DNAJC8: variants seen among roughly 807,000 people sequenced by gnomAD.
The protein encoded by DNAJC8 is dnaJ homolog subfamily C member 8.
A neutral mutation model predicts 43.2 loss-of-function variants in DNAJC8; 24 were observed. The observed-to-expected ratio is 0.56, with a 90% CI of 0.40 to 0.78. The LOEUF (loss-of-function observed/expected upper bound fraction) is 0.78. Among genes scored for constraint, DNAJC8 ranks in the 30% least tolerant of loss-of-function variants. The pLI, the probability that DNAJC8 is intolerant of heterozygous loss-of-function variation, is 0.00. For synonymous variants in DNAJC8, 83 were observed against 98.0 expected, an observed-to-expected ratio of 0.85 and a Z score of 0.90; for missense variants, 207 against 299.4, an observed-to-expected ratio of 0.69 and a Z score of 2.28.
chr1:28,214,842 T>C (rs750263748), intron 3 of DNAJC8, 98 bp downstream of exon 3: 2 of 1,045,114 alleles, frequency 1.9e-6, no homozygotes, highest in Non-Finnish European at 2.7e-6. Context: ...AAAAGTTAAA[T>C]TTTGGCCCAA....
chr1:28,221,336 T>C (rs1455130033), intron 2 of DNAJC8, among the ~76,000 whole-genome samples: 1 of 151,696 alleles, frequency 6.6e-6, no homozygotes, highest in Admixed American at 6.6e-5. Context: ...GGAAACTCTG[T>C]CTCAAAAAGG....
At chr1:28,204,608 A>C (rs1234592551) in intron 7 of DNAJC8, among the ~76,000 whole-genome samples, 1 of 152,216 alleles carries the variant, frequency 6.6e-6, no homozygotes, top group Admixed American at 6.5e-5. Flanking sequence ...ACAGTACTAT[A>C]CACTCACCAA....
chr1:28,214,058 G>C (rs1040355863), intron 3 of DNAJC8, among the ~76,000 whole-genome samples: 1 of 151,766 alleles, frequency 6.6e-6, no homozygotes, highest in Non-Finnish European at 1.5e-5. Context: ...CTGGGGGGAG[G>C]GTTACTCAGC....
rs577911473 is a variant in DNAJC8 at position 28,203,265 on chromosome 1, T to A, written c.639+482A>T. 3.7e-4 allele frequency among the ~76,000 whole-genome samples: 57 copies of A among 152,310 alleles called. No homozygotes were observed. The South Asian group carries it at 0.012, about 31-fold the overall frequency. On this transcript the variant is annotated intron_variant, in intron 8 of 8. Coordinates refer to ENST00000263697, the MANE Select transcript of DNAJC8 (RefSeq NM_014280.3). ...GCCACAATCCTTCTGTCCAACCACC[T>A]GAAGCATATAACCAGGGTGTCAAAG...
rs779067310 is a variant in DNAJC8 at position 28,200,930 on chromosome 1, T to C, written c.*318A>G. 1 of 391,576 alleles carries C rather than the reference T, an allele frequency of 2.6e-6. No individual in the cohort carries two copies. The highest frequency in any genetic ancestry group is 6.1e-5 in the East Asian group (1 of 16,374). The allele number at this position is 391,576 out of a possible 1,614,324, so 24.3% of individuals were successfully genotyped here. A position where few individuals can be genotyped will look rare whatever the true frequency, so the allele number is the denominator to read the frequency against. ...TGATTTCCACAAACTATCCACGAAG[T>C]TTCTAACCATCACAATTCAGTGAAG... On this transcript the variant is annotated 3_prime_UTR_variant, in exon 9 of 9. Coordinates refer to ENST00000263697, the MANE Select transcript of DNAJC8 (RefSeq NM_014280.3).
intron 1 of DNAJC8, among the ~76,000 whole-genome samples, chr1:28,230,728 C>A (rs896962933): frequency 6.6e-6 from 1 of 152,228 alleles, no homozygotes; most frequent in Non-Finnish European, 1.5e-5. Context: ...GCAACCTCCA[C>A]CTCCTGGGCT....
At chr1:28,217,765 G>A (rs1377509441) in intron 2 of DNAJC8, among the ~76,000 whole-genome samples, 2 of 152,012 alleles carry the variant, frequency 1.3e-5, no homozygotes, top group Admixed American at 6.6e-5. Context: ...AGCCTCTGAT[G>A]AGGTTATAGC....
At chr1:28,228,089 G>A (rs1322918459) in intron 2 of DNAJC8, among the ~76,000 whole-genome samples, 1 of 152,084 alleles carries the variant, frequency 6.6e-6, no homozygotes, top group African/African-American at 2.4e-5. Flanking sequence ...AGTGGCTCAC[G>A]CCTGTAATCC....
intron 7 of DNAJC8, among the ~76,000 whole-genome samples, chr1:28,204,332 G>C (rs958856791): frequency 2.0e-5 from 3 of 151,950 alleles, no homozygotes; most frequent in Non-Finnish European, 4.4e-5. Flanking sequence ...TGTAACGCCA[G>C]CACTTTGGGA....
chr1:28,201,084 T>A lies in DNAJC8; in HGVS notation c.*164A>T. ...TTAAACCAAGCCCCTCATTTCAATG[T>A]ACAAAAGAATTACTCTGATCGATAT... On this transcript the variant is annotated 3_prime_UTR_variant, in exon 9 of 9. Coordinates refer to ENST00000263697, the MANE Select transcript of DNAJC8 (RefSeq NM_014280.3). 9.5e-7 allele frequency: 1 copy of A among 1,055,522 alleles called. No individual in the cohort carries two copies. The allele number at this position is 1,055,522 out of a possible 1,614,324, so 65.4% of individuals were successfully genotyped here.
Position 28,214,858 on chromosome 1 carries a change from T to A in DNAJC8, c.237+82A>T, listed in dbSNP as rs567400302. The A allele has an allele frequency of 5.4e-6, 7 of 1,295,814 alleles. No homozygotes were observed. The African/African-American group carries it at 1.0e-4, about 19-fold the overall frequency. 80.3% of individuals were successfully genotyped at this position (1,295,814 alleles called of 1,614,324 possible). ...AAAGTTAAATTTTGGCCCAAACATA[T>A]CAAGTCAATAATAGCAAGTGATAAA... On this transcript the variant is annotated intron_variant, in intron 3 of 8. Transcript: ENST00000263697.
chr1:28,227,407 C>CAA (rs1190572347), intron 2 of DNAJC8, among the ~76,000 whole-genome samples: 14 of 49,106 alleles, frequency 2.9e-4, no homozygotes, highest in Non-Finnish European at 3.7e-4. Context: ...GACTTCATCT[C>CAA]AAAAAAAAAA....
intron 2 of DNAJC8, among the ~76,000 whole-genome samples, chr1:28,219,196 T>C (rs1053345698): frequency 6.6e-6 from 1 of 151,654 alleles, no homozygotes; most frequent in Admixed American, 6.6e-5. Context: ...GTTATAGTGG[T>C]TCTTGAGTTA....
In DNAJC8 at chr1:28,208,430, T is replaced by C; in HGVS notation, c.400-17A>G. 1 of 1,591,416 alleles carries C rather than the reference T, an allele frequency of 6.3e-7. No homozygotes were observed. Among genetic ancestry groups the C allele is most frequent in the Non-Finnish European group, 8.6e-7 (1 of 1,161,834 alleles). On this transcript the variant is annotated splice_polypyrimidine_tract_variant and intron_variant, in intron 5 of 8. Transcript: ENST00000263697. Reference sequence around the variant, plus strand: ...CTCTTTCACCTAAAAAGAATTTTTTTTCATCAAAAGACGAGCATCTGTGCT... The same window carrying C: ...CTCTTTCACCTAAAAAGAATTTTTTCTCATCAAAAGACGAGCATCTGTGCT...
Position 28,200,516 on chromosome 1 carries a change from G to C in DNAJC8, c.*732C>G, listed in dbSNP as rs756108488. On this transcript the variant is annotated 3_prime_UTR_variant, in exon 9 of 9. Coordinates refer to ENST00000263697, the MANE Select transcript of DNAJC8 (RefSeq NM_014280.3). ...TTGGGGTTCAGCCAAGCCAGACAAG[G>C]GACCCACAAGGGAGAGTACAAGGAA... 29 of 456,352 alleles carry C rather than the reference G, an allele frequency of 6.4e-5. No individual in the cohort carries two copies. Among genetic ancestry groups the C allele is most frequent in the Non-Finnish European group, 1.3e-4 (29 of 226,806 alleles). 28.3% of individuals were successfully genotyped at this position (456,352 alleles called of 1,614,324 possible). A position where few individuals can be genotyped will look rare whatever the true frequency, so the allele number is the denominator to read the frequency against.
rs1270686931 is a variant in DNAJC8, at chr1:28,201,241, T to C, written c.*7A>G. 3 of 1,611,890 alleles carry C rather than the reference T, an allele frequency of 1.9e-6. No homozygotes were observed. The highest frequency in any genetic ancestry group is 2.5e-6 in the Non-Finnish European group (3 of 1,179,830). ...GGGAAAGGTTCTGTGCCTGTGACCT[T>C]GGGCGGTCACTCACGTTGCTCCATT... On this transcript the variant is annotated 3_prime_UTR_variant, in exon 9 of 9. Coordinates refer to ENST00000263697, the MANE Select transcript of DNAJC8 (RefSeq NM_014280.3).
chr1:28,214,217 A>G (rs115052039), intron 3 of DNAJC8, among the ~76,000 whole-genome samples: 3,411 of 152,180 alleles, frequency 0.022, 140 homozygotes, highest in African/African-American at 0.077. Flanking sequence ...GTTATCTCTT[A>G]GGTATTCATT....
intron 1 of DNAJC8, among the ~76,000 whole-genome samples, chr1:28,232,347 G>A (rs1032460165): frequency 6.6e-6 from 1 of 152,134 alleles, no homozygotes; most frequent in African/African-American, 2.4e-5. Context: ...ATGCGCTGGA[G>A]ATGCGATAGT....
intron 3 of DNAJC8, 110 bp from the exon 4 acceptor site, chr1:28,210,747 C>T (rs1235935610): frequency 8.5e-6 from 6 of 703,558 alleles, no homozygotes; most frequent in African/African-American, 7.3e-5. Context: ...CAAAAAGAGA[C>T]TCTTAGCAAA....
Sources: gnomAD v4.1 joint callset for allele counts (sites outside exome capture counted in the v4.1 genomes callset) on GRCh38, gnomAD v4.1.1 for gene constraint, MANE v1.5 for transcripts, NCBI Gene and HGNC (gene_info 2026-07-23, HGNC 2026-07-21) for gene names.